Variants in ZSWIM6 observed in about 807,000 individuals in gnomAD.
ZSWIM6 encodes the protein zinc finger SWIM-type containing 6.
A neutral mutation model predicts 113.2 loss-of-function variants in ZSWIM6; 9 were observed. That is an observed-to-expected ratio of 0.08 (90% CI 0.05 to 0.14). ZSWIM6 has a LOEUF of 0.14. Ranked by LOEUF, ZSWIM6 falls within the 10% of genes least tolerant of loss-of-function variation. The probability of loss-of-function intolerance (pLI) is 1.00; values close to 1 mark genes in which losing one functional copy is unlikely to be tolerated. For missense variants in ZSWIM6, 1,162 were observed against 1,552.2 expected (o/e 0.75, Z 4.22); for synonymous variants, 611 against 606.5 (o/e 1.01, Z -0.11).
intron 1 of ZSWIM6, among the ~76,000 whole-genome samples, chr5:61,416,568 T>C (rs1009220627): frequency 6.6e-6 from 1 of 152,234 alleles, no homozygotes; most frequent in Non-Finnish European, 1.5e-5. Context: ...AGCCAGGTGC[T>C]TAGGACCTCA....
rs185086606 is a variant in ZSWIM6, at chr5:61,541,132, C to T, written c.2704-752C>T. ...CTAATTTTTATGTTTTTAATAGAGA[C>T]GGGGTTTCACCATATTGGCCAGGCT... On this transcript the variant is annotated intron_variant, in intron 12 of 13. Transcript: ENST00000252744. Among the ~76,000 whole-genome samples the T allele has an allele frequency of 6.6e-3, 1,009 of 151,872 alleles. 4 individuals are homozygous for T. The highest frequency in any genetic ancestry group is 0.02 in the South Asian group (98 of 4,802).
chr5:61,433,278 G>T (rs893120130), intron 1 of ZSWIM6, among the ~76,000 whole-genome samples: 1 of 152,084 alleles, frequency 6.6e-6, no homozygotes, highest in Non-Finnish European at 1.5e-5. Flanking sequence ...TAGGAGAAAA[G>T]GGATCATTTC....
intron 4 of ZSWIM6, among the ~76,000 whole-genome samples, chr5:61,497,154 G>C (rs1169247326): frequency 6.6e-6 from 1 of 150,802 alleles, no homozygotes; most frequent in Non-Finnish European, 1.5e-5. Flanking sequence ...CTAATCTGAT[G>C]AAAGTGTACA....
At chr5:61,497,752 ATATT>A (rs1263194298) in intron 4 of ZSWIM6, among the ~76,000 whole-genome samples, 3 of 152,222 alleles carry the variant, frequency 2.0e-5, no homozygotes, top group African/African-American at 7.2e-5. Flanking sequence ...GAAAAGGTAT[ATATT>A]AAAATAGAAA....
At chr5:61,398,365 G>A (rs935831232) in intron 1 of ZSWIM6, among the ~76,000 whole-genome samples, 3 of 152,122 alleles carry the variant, frequency 2.0e-5, no homozygotes, top group Non-Finnish European at 4.4e-5. Flanking sequence ...GATCTGAGGT[G>A]GAACAGTTTC....
intron 1 of ZSWIM6, among the ~76,000 whole-genome samples, chr5:61,339,278 C>T (rs1235832971): frequency 6.6e-6 from 1 of 152,174 alleles, no homozygotes; most frequent in Non-Finnish European, 1.5e-5. Flanking sequence ...TAGTGGTACA[C>T]CGCTGTAATC....
intron 5 of ZSWIM6, among the ~76,000 whole-genome samples, chr5:61,523,375 G>T (rs1749184762): frequency 6.6e-6 from 1 of 152,150 alleles, no homozygotes; most frequent in African/African-American, 2.4e-5. Context: ...TAATTTTTTA[G>T]AATTAATGAA....
intron 1 of ZSWIM6, among the ~76,000 whole-genome samples, chr5:61,334,376 G>T (rs753379310): frequency 1.3e-5 from 2 of 152,158 alleles, no homozygotes; most frequent in Non-Finnish European, 2.9e-5. Context: ...CCATGTTAGT[G>T]TACTTGAAAT....
chr5:61,492,090 A>T (rs1373597788), intron 3 of ZSWIM6, among the ~76,000 whole-genome samples: 2 of 152,082 alleles, frequency 1.3e-5, no homozygotes, highest in African/African-American at 4.8e-5. Flanking sequence ...TAGGCTATAG[A>T]TGTACATGAG....
At chr5:61,370,817 T>A (rs1382119837) in intron 1 of ZSWIM6, among the ~76,000 whole-genome samples, 1 of 152,224 alleles carries the variant, frequency 6.6e-6, no homozygotes, top group African/African-American at 2.4e-5. Context: ...CAATTTTTTT[T>A]TTGCCAATTA....
In ZSWIM6 at chr5:61,332,902, C is replaced by A; in HGVS notation, c.630C>A (p.Gly210=). ...AGACGCGGCTGCCTTTCCGCCGGGGCATCGCGCTGTTGGAAAGCGGCTGCG... is the reference window on the plus strand; with the variant it reads ...AGACGCGGCTGCCTTTCCGCCGGGGAATCGCGCTGTTGGAAAGCGGCTGCG... ...GDETRLPFRR[G]IALLESGCVD... Residue 210 remains glycine, a synonymous_variant, in exon 1 of 14, where the codon GGC becomes GGA. Coordinates refer to ENST00000252744, the MANE Select transcript of ZSWIM6 (RefSeq NM_020928.2). 7.4e-7 allele frequency: 1 copy of A among 1,354,456 alleles called. No individual in the cohort carries two copies. Among genetic ancestry groups the A allele is most frequent in the Non-Finnish European group, 9.6e-7 (1 of 1,040,754 alleles). 83.9% of individuals were successfully genotyped at this position (1,354,456 alleles called of 1,614,324 possible). A position where few individuals can be genotyped will look rare whatever the true frequency, so the allele number is the denominator to read the frequency against.
At chr5:61,411,749 G>T (rs2112114211) in intron 1 of ZSWIM6, among the ~76,000 whole-genome samples, 1 of 152,226 alleles carries the variant, frequency 6.6e-6, no homozygotes, top group South Asian at 2.1e-4. Context: ...GTGGTAGAAG[G>T]AAAGGATGAA....
intron 1 of ZSWIM6, among the ~76,000 whole-genome samples, chr5:61,415,148 C>T (rs1746221133): frequency 6.6e-6 from 1 of 152,112 alleles, no homozygotes; most frequent in African/African-American, 2.4e-5. Context: ...TTTTTGCAGT[C>T]TTTTCGGGAA....
chr5:61,386,043 A>T (rs1487608677), intron 1 of ZSWIM6, among the ~76,000 whole-genome samples: 1 of 152,190 alleles, frequency 6.6e-6, no homozygotes, highest in Non-Finnish European at 1.5e-5. Context: ...TAAAGATGGG[A>T]AATATTTGAG....
chr5:61,514,040 A>G (rs1328250484), intron 4 of ZSWIM6, among the ~76,000 whole-genome samples: 1 of 152,124 alleles, frequency 6.6e-6, no homozygotes, highest in African/African-American at 2.4e-5. Flanking sequence ...TGACATGTTA[A>G]CAGTATTGAG....
chr5:61,390,618 G>T, intron 1 of ZSWIM6: 2 of 676,456 alleles, frequency 3.0e-6, no homozygotes, highest in South Asian at 1.5e-5. Flanking sequence ...TTTTTTTCCA[G>T]TGGAAAATAA....
chr5:61,381,843 T>C (rs1745493463), intron 1 of ZSWIM6, among the ~76,000 whole-genome samples: 1 of 152,376 alleles, frequency 6.6e-6, no homozygotes, highest in Admixed American at 6.5e-5. Flanking sequence ...TGTGGATACA[T>C]GTAATACAAT....
At chr5:61,496,363 G>A (rs1002148282) in intron 4 of ZSWIM6, among the ~76,000 whole-genome samples, 6 of 152,096 alleles carry the variant, frequency 3.9e-5, no homozygotes, top group African/African-American at 9.7e-5. Flanking sequence ...AGAATCTCAC[G>A]TAGAAGTAAC....
At chr5:61,370,632 A>G (rs1427796916) in intron 1 of ZSWIM6, among the ~76,000 whole-genome samples, 1 of 152,202 alleles carries the variant, frequency 6.6e-6, no homozygotes, top group Non-Finnish European at 1.5e-5. Context: ...CATGTGGAGT[A>G]AGCACTGCCC....
Sources: allele counts gnomAD v4.1 joint callset (sites outside exome capture counted in the v4.1 genomes callset), GRCh38; gene constraint gnomAD v4.1.1; transcripts MANE v1.5; gene names NCBI Gene and HGNC (gene_info 2026-07-23, HGNC 2026-07-21).